PTPRD: variants seen among roughly 807,000 people sequenced by gnomAD.
The protein encoded by PTPRD is protein tyrosine phosphatase receptor type D.
In PTPRD, 34 loss-of-function variants were observed where a neutral mutation model predicts 214.5. That is an observed-to-expected ratio of 0.16 (90% CI 0.12 to 0.21). The LOEUF (loss-of-function observed/expected upper bound fraction) is 0.21, where lower values mean the gene tolerates loss of function less well. Among genes scored for constraint, PTPRD ranks in the 10% least tolerant of loss-of-function variants. The pLI, the probability that PTPRD is intolerant of heterozygous loss-of-function variation, is 1.00. For synonymous variants in PTPRD, 1,128 were observed against 845.7 expected, an observed-to-expected ratio of 1.33 and a Z score of -5.79; for missense variants, 2,545 against 2,398.7, an observed-to-expected ratio of 1.06 and a Z score of -1.27.
At chr9:9,195,065 T>C (rs575688295) in intron 9 of PTPRD, among the ~76,000 whole-genome samples, 1 of 144,454 alleles carries the variant, frequency 6.9e-6, no homozygotes, top group Admixed American at 7.3e-5. Context: ...CGAATACATA[T>C]ATACATATGT....
intron 11 of PTPRD, among the ~76,000 whole-genome samples, chr9:8,925,396 A>G (rs1471802445): frequency 6.6e-6 from 1 of 152,134 alleles, no homozygotes; most frequent in Non-Finnish European, 1.5e-5. Flanking sequence ...ACTCTAAGAA[A>G]GGTGAAAAAT....
At chr9:8,489,208 C>T (rs2097099068) in intron 27 of PTPRD, among the ~76,000 whole-genome samples, 1 of 152,190 alleles carries the variant, frequency 6.6e-6, no homozygotes, top group African/African-American at 2.4e-5. Context: ...TAGATGTATA[C>T]ATTTACTCTT....
At chr9:9,989,016 CAAAAAAAA>C (rs397836899) in intron 4 of PTPRD, among the ~76,000 whole-genome samples, 22 of 36,286 alleles carry the variant, frequency 6.1e-4, no homozygotes, top group African/African-American at 1.5e-3. Flanking sequence ...TTTCACTGAC[CAAAAAAAA>C]AAAAAAAAAA....
intron 5 of PTPRD, among the ~76,000 whole-genome samples, chr9:9,824,615 C>T (rs1215562500): frequency 6.6e-6 from 1 of 151,872 alleles, no homozygotes; most frequent in African/African-American, 2.4e-5. Flanking sequence ...CCTAGTCTTT[C>T]TTACAAAGAA....
intron 11 of PTPRD, among the ~76,000 whole-genome samples, chr9:9,006,807 T>A (rs967955206): frequency 6.6e-6 from 1 of 152,058 alleles, no homozygotes; most frequent in South Asian, 2.1e-4. Context: ...TTTTCTTTTT[T>A]TATAGTATGG....
chr9:8,737,826 T>C (rs1176938803), intron 11 of PTPRD, among the ~76,000 whole-genome samples: 2 of 152,112 alleles, frequency 1.3e-5, no homozygotes, highest in African/African-American at 4.8e-5. Flanking sequence ...AATTTTTCTA[T>C]TTTTAGTAGA....
At chr9:9,497,890 T>C (rs1417690039) in intron 8 of PTPRD, among the ~76,000 whole-genome samples, 1 of 152,164 alleles carries the variant, frequency 6.6e-6, no homozygotes, top group Non-Finnish European at 1.5e-5. Context: ...AGCCAGAATC[T>C]TCACATATCA....
rs555695825 is a variant in PTPRD, at chr9:9,091,128, T to C, written c.-142-72393A>G. 4.4e-4 allele frequency: 638 copies of C among 1,463,622 alleles called. 2 individuals are homozygous for C. In the African/African-American group the frequency reaches 7.5e-3, roughly 17 times the overall value. 90.7% of individuals were successfully genotyped at this position (1,463,622 alleles called of 1,614,324 possible). ...TGAAGCTACATTACTGTGTGAGTTGTGCAATTCACAGCAAAGTAGTCAGGA... is the reference window on the plus strand; with the variant it reads ...TGAAGCTACATTACTGTGTGAGTTGCGCAATTCACAGCAAAGTAGTCAGGA... On this transcript the variant is annotated intron_variant, in intron 10 of 45. Transcript: ENST00000381196.
At chr9:10,050,559 C>CAAAAAAAAAAAAAAAAA (rs1164243746) in intron 3 of PTPRD, among the ~76,000 whole-genome samples, 9 of 13,998 alleles carry the variant, frequency 6.4e-4, no homozygotes, top group East Asian at 5.4e-3. Context: ...GAGTCTGTCT[C>CAAAAAAAAAAAAAAAAA]AAAAAAAAAA....
At chr9:10,134,631 G>T (rs2098928715) in intron 3 of PTPRD, among the ~76,000 whole-genome samples, 1 of 151,954 alleles carries the variant, frequency 6.6e-6, no homozygotes, top group African/African-American at 2.4e-5. Context: ...CCCTCTGAAA[G>T]CATCCAGAAA....
chr9:10,055,945 G>C (rs905990024), intron 3 of PTPRD, among the ~76,000 whole-genome samples: 1 of 150,636 alleles, frequency 6.6e-6, no homozygotes, highest in Non-Finnish European at 1.5e-5. Context: ...GTGAAGGAAA[G>C]AGAAATAAGA....
intron 2 of PTPRD, among the ~76,000 whole-genome samples, chr9:10,425,460 T>C (rs1216707749): frequency 2.0e-5 from 3 of 151,940 alleles, no homozygotes; most frequent in Non-Finnish European, 4.4e-5. Flanking sequence ...CCCTGTGCTC[T>C]ATTTATCATC....
chr9:9,118,495 G>T (rs1055969968), intron 10 of PTPRD, among the ~76,000 whole-genome samples: 1 of 152,042 alleles, frequency 6.6e-6, no homozygotes, highest in Non-Finnish European at 1.5e-5. Context: ...TTTTTAGGAA[G>T]GTCTGTTTTT....
intron 2 of PTPRD, among the ~76,000 whole-genome samples, chr9:10,541,133 C>A (rs542749813): frequency 6.6e-6 from 1 of 152,118 alleles, no homozygotes; most frequent in Non-Finnish European, 1.5e-5. Flanking sequence ...TAAAACAGGA[C>A]TTAATTATAC....
At chr9:9,498,083 G>A (rs1045344061) in intron 8 of PTPRD, among the ~76,000 whole-genome samples, 1 of 152,122 alleles carries the variant, frequency 6.6e-6, no homozygotes, top group Non-Finnish European at 1.5e-5. Flanking sequence ...CCATGAAGGA[G>A]CCAGGAAGCA....
intron 2 of PTPRD, among the ~76,000 whole-genome samples, chr9:10,445,378 A>G (rs2098791480): frequency 6.6e-6 from 1 of 152,090 alleles, no homozygotes; most frequent in African/African-American, 2.4e-5. Flanking sequence ...AGCTGGAAAC[A>G]GGGAAACTAA....
At chr9:9,781,036 GACCGAGGA>G (rs1472001794) in intron 5 of PTPRD, among the ~76,000 whole-genome samples, 3 of 152,154 alleles carry the variant, frequency 2.0e-5, no homozygotes, top group Non-Finnish European at 4.4e-5. Flanking sequence ...GGAGGGTGGA[GACCGAGGA>G]ACAAATAGGA....
At chr9:10,575,932 A>AT (rs1328542641) in intron 2 of PTPRD, among the ~76,000 whole-genome samples, 2 of 152,028 alleles carry the variant, frequency 1.3e-5, no homozygotes, top group East Asian at 1.9e-4. Context: ...CTGGGGAATT[A>AT]TTTTTTTTAA....
At chr9:9,995,263 T>C (rs1288661343) in intron 4 of PTPRD, among the ~76,000 whole-genome samples, 1 of 152,168 alleles carries the variant, frequency 6.6e-6, no homozygotes, top group African/African-American at 2.4e-5. Context: ...AGGGCTTTTA[T>C]AGCATTCTCT....
Sources: gnomAD v4.1 joint callset for allele counts (sites outside exome capture counted in the v4.1 genomes callset) on GRCh38, gnomAD v4.1.1 for gene constraint, MANE v1.5 for transcripts, NCBI Gene and HGNC (gene_info 2026-07-23, HGNC 2026-07-21) for gene names.